GPHN: variants seen among roughly 807,000 people sequenced by gnomAD.
GPHN encodes the protein gephyrin.
GPHN carries 17 observed loss-of-function variants against 95.5 expected under a neutral mutation model. The observed-to-expected ratio is 0.18, with a 90% CI of 0.12 to 0.27. GPHN has a LOEUF of 0.27. Ranked by LOEUF, GPHN falls within the 10% of genes least tolerant of loss-of-function variation. The pLI, the probability that GPHN is intolerant of heterozygous loss-of-function variation, is 1.00. For synonymous variants in GPHN, 320 were observed against 322.5 expected, an observed-to-expected ratio of 0.99 and a Z score of 0.08; for missense variants, 660 against 978.1, an observed-to-expected ratio of 0.67 and a Z score of 4.34.
At chr14:67,145,451 T>C (rs2080845793) in intron 18 of GPHN, among the ~76,000 whole-genome samples, 1 of 152,194 alleles carries the variant, frequency 6.6e-6, no homozygotes, top group Non-Finnish European at 1.5e-5. Context: ...ATATTGGTTT[T>C]ATTTTTTTTA....
At chr14:66,518,923 G>GTA (rs2058365383) in intron 1 of GPHN, among the ~76,000 whole-genome samples, 3 of 152,004 alleles carry the variant, frequency 2.0e-5, no homozygotes, top group Non-Finnish European at 4.4e-5. Flanking sequence ...CTGTAGCATT[G>GTA]TAGGGTGACT....
chr14:67,603,927 C>G, the GPHN span, among the ~76,000 whole-genome samples: 1 of 151,936 alleles, frequency 6.6e-6, no homozygotes, highest in Non-Finnish European at 1.5e-5. Flanking sequence ...GTGATCTGCC[C>G]GCCTCAACCT....
chr14:67,184,804 G>A (rs182898967), downstream of GPHN, among the ~76,000 whole-genome samples: 124 of 152,264 alleles, frequency 8.1e-4, no homozygotes, highest in Non-Finnish European at 2.9e-5. Flanking sequence ...AAATGCAAGG[G>A]TGGATGGAAA....
the GPHN span, among the ~76,000 whole-genome samples, chr14:67,702,137 A>G: frequency 6.6e-6 from 1 of 151,602 alleles, no homozygotes; most frequent in Non-Finnish European, 1.5e-5. Flanking sequence ...TTTAATATAT[A>G]TATATTTTTT....
chr14:66,536,144 G>A (rs1330520430), intron 1 of GPHN, among the ~76,000 whole-genome samples: 2 of 152,160 alleles, frequency 1.3e-5, no homozygotes, highest in African/African-American at 4.8e-5. Flanking sequence ...TAGAGAGAGG[G>A]CCTTGCTCTG....
the GPHN span, chr14:67,382,654 T>C: frequency 1.4e-5 from 22 of 1,563,662 alleles, no homozygotes; most frequent in Non-Finnish European, 1.8e-5. Context: ...TTCTTGTAGG[T>C]AAATAAGAGC....
chr14:67,664,828 A>G, the GPHN span, among the ~76,000 whole-genome samples: 1 of 151,894 alleles, frequency 6.6e-6, no homozygotes, highest in African/African-American at 2.4e-5. Flanking sequence ...TGCTGTCCTG[A>G]GATTTTCTTA....
chr14:67,144,246 AAAAAATATATATATAT>A (rs1337882722), intron 18 of GPHN, among the ~76,000 whole-genome samples: 1 of 65,618 alleles, frequency 1.5e-5, no homozygotes, highest in African/African-American at 7.9e-5. Flanking sequence ...TAAAAAAAAA[AAAAAATATATATATAT>A]ATATATATAT....
intron 10 of GPHN, among the ~76,000 whole-genome samples, chr14:67,042,716 C>A (rs953242952): frequency 6.6e-6 from 1 of 152,108 alleles, no homozygotes; most frequent in African/African-American, 2.4e-5. Flanking sequence ...TATGTGGGCT[C>A]TTTTTTGGTT....
the GPHN span, among the ~76,000 whole-genome samples, chr14:67,663,370 A>G: frequency 1.3e-5 from 2 of 152,138 alleles, no homozygotes; most frequent in South Asian, 4.1e-4. Context: ...ATAAGTTGAC[A>G]TAAAGAAAAT....
intron 2 of GPHN, among the ~76,000 whole-genome samples, chr14:66,742,262 T>G (rs2072856900): frequency 6.6e-6 from 1 of 152,184 alleles, no homozygotes; most frequent in South Asian, 2.1e-4. Flanking sequence ...GCCTTAACAT[T>G]CTGATACATG....
the GPHN span, among the ~76,000 whole-genome samples, chr14:67,328,538 A>G: frequency 6.6e-6 from 1 of 152,194 alleles, no homozygotes; most frequent in Non-Finnish European, 1.5e-5. Context: ...TGTTTTAGTC[A>G]TGAAGTCCTT....
intron 10 of GPHN, among the ~76,000 whole-genome samples, chr14:67,033,147 T>C (rs894449627): frequency 1.1e-4 from 16 of 152,054 alleles, no homozygotes; most frequent in African/African-American, 3.9e-4. Flanking sequence ...AAAAACTCAC[T>C]AGAGGGGTTC....
chr14:67,147,237 A>T (rs2080952261), intron 18 of GPHN, among the ~76,000 whole-genome samples: 1 of 152,212 alleles, frequency 6.6e-6, no homozygotes, highest in South Asian at 2.1e-4. Flanking sequence ...TCAAGAGGTT[A>T]TTGTTTGATA....
the GPHN span, chr14:67,533,595 A>T: frequency 2.0e-5 from 3 of 151,786 alleles, no homozygotes; most frequent in Admixed American, 2.0e-4. Flanking sequence ...GCCCCAGGGG[A>T]CTCGCGCCGC....
chr14:66,621,995 A>G (rs1313000007), intron 1 of GPHN, among the ~76,000 whole-genome samples: 1 of 151,526 alleles, frequency 6.6e-6, no homozygotes, highest in Admixed American at 6.6e-5. Context: ...CCCAGTAGGA[A>G]CTCCATGTGG....
At chr14:67,225,640 A>G in the GPHN span, among the ~76,000 whole-genome samples, 6 of 152,122 alleles carry the variant, frequency 3.9e-5, no homozygotes, top group Admixed American at 1.3e-4. Flanking sequence ...AAAATGATAC[A>G]GATATTCGTA....
the GPHN span, chr14:67,586,213 G>T: frequency 7.7e-7 from 1 of 1,292,088 alleles, no homozygotes; most frequent in Non-Finnish European, 1.1e-6. Flanking sequence ...AGATAAAATT[G>T]TTGGTCTTGT....
the GPHN span, among the ~76,000 whole-genome samples, chr14:67,728,469 T>C: frequency 1.3e-5 from 2 of 152,196 alleles, no homozygotes; most frequent in Non-Finnish European, 2.9e-5. Context: ...TCCATGTTTT[T>C]AACTTTACAT....
Sources: allele counts gnomAD v4.1 joint callset (sites outside exome capture counted in the v4.1 genomes callset), GRCh38; gene constraint gnomAD v4.1.1; transcripts MANE v1.5; gene names NCBI Gene and HGNC (gene_info 2026-07-23, HGNC 2026-07-21).